DYSF: variants seen among roughly 807,000 people sequenced by gnomAD.
The protein encoded by DYSF is dysferlin.
In DYSF, 212 loss-of-function variants were observed where a neutral mutation model predicts 274.9. The ratio of observed to expected loss-of-function variants is 0.77; its 90% CI spans 0.69 to 0.86. The LOEUF (loss-of-function observed/expected upper bound fraction) is 0.86. Ranked by LOEUF, DYSF falls within the 40% of genes least tolerant of loss-of-function variation. The pLI, the probability that DYSF is intolerant of heterozygous loss-of-function variation, is 0.00. For synonymous variants in DYSF, 1,091 were observed against 1,078.7 expected (o/e 1.01, Z -0.22); for missense variants, 2,666 against 2,783.2 (o/e 0.96, Z 0.95).
chr2:71,474,253 TA>T (rs2082243563), intron 1 of DYSF, among the ~76,000 whole-genome samples: 1 of 152,216 alleles, frequency 6.6e-6, no homozygotes, highest in South Asian at 2.1e-4. Context: ...GTACCTCATA[TA>T]AATGGAATCA....
In DYSF at chr2:71,682,541, C is replaced by A. The variant is rs1280220168; in HGVS notation, c.6185C>A (p.Thr2062Asn). ...GATCTCGCTTCCAGGCGCCCCGACA[C>A]CTCCTTCCTGTGGTTTACCTCCCCA... Reference protein sequence around the residue: ...PKLEDPRRPDTSFLWFTSPYK... With the variant: ...PKLEDPRRPDNSFLWFTSPYK... The change falls in exon 55 of 56, where the codon ACC becomes AAC. Residue 2062 changes from threonine to asparagine, a missense_variant. Thr to Asn is a moderately conservative substitution (Grantham distance 65, BLOSUM62 0). Coordinates refer to ENST00000410020, the MANE Select transcript of DYSF (RefSeq NM_001130987.2). The A allele has an allele frequency of 6.2e-7, 1 of 1,614,118 alleles. No homozygotes were observed. The highest frequency in any genetic ancestry group is 1.1e-5 in the South Asian group (1 of 91,074).
At position 71,600,848 on chromosome 2, in the gene DYSF, G is replaced by A; in HGVS notation, c.3897+6G>A. 2.5e-6 allele frequency: 4 copies of A among 1,609,254 alleles called. No homozygotes were observed. The highest frequency in any genetic ancestry group is 1.7e-4 in the Middle Eastern group (1 of 6,058). On this transcript the variant is annotated splice_donor_region_variant and intron_variant, in intron 34 of 55. Transcript: ENST00000410020. ...AGCTCATCCAGAGAGAGAAGGTGAG[G>A]CTGGTCTATATCCAGATCCAGGAGG...
At chr2:71,524,734 C>T (rs1353894830) in intron 12 of DYSF, among the ~76,000 whole-genome samples, 1 of 152,234 alleles carries the variant, frequency 6.6e-6, no homozygotes, top group Non-Finnish European at 1.5e-5. Flanking sequence ...GTGCAAGGGC[C>T]TCTGCATGAG....
intron 30 of DYSF, among the ~76,000 whole-genome samples, chr2:71,580,678 T>G (rs2092863326): frequency 6.6e-6 from 1 of 152,186 alleles, no homozygotes; most frequent in East Asian, 1.9e-4. Flanking sequence ...ATATTCACGT[T>G]GAGCACCTGT....
upstream of DYSF, among the ~76,000 whole-genome samples, chr2:71,464,810 G>T (rs4547553): frequency 6.6e-6 from 1 of 152,172 alleles, no homozygotes; most frequent in Non-Finnish European, 1.5e-5. Context: ...AGCAGGAGAC[G>T]CATTGGGAGT....
intron 17 of DYSF, among the ~76,000 whole-genome samples, chr2:71,540,713 T>C (rs1310997317): frequency 6.6e-6 from 1 of 151,396 alleles, no homozygotes; most frequent in African/African-American, 2.4e-5. Context: ...CATTCTATTA[T>C]AAATGTCTTA....
chr2:71,612,493 C>T (rs761256358), intron 38 of DYSF, 148 bp from the exon 39 acceptor site: 67 of 1,236,122 alleles, frequency 5.4e-5, no homozygotes, highest in Non-Finnish European at 6.7e-5. Context: ...TGGCTTCGCT[C>T]GACTGCCCAG....
intron 55 of DYSF, among the ~76,000 whole-genome samples, chr2:71,685,149 C>T (rs529581768): frequency 6.6e-6 from 1 of 152,328 alleles, no homozygotes; most frequent in South Asian, 2.1e-4. Flanking sequence ...TTTCCAGTCA[C>T]TTCCAGCCTG....
At position 71,514,398 on chromosome 2, in the gene DYSF, CT is replaced by C. The variant is rs200723586; in HGVS notation, c.759+485del. On this transcript the variant is annotated intron_variant, in intron 7 of 55. Transcript: ENST00000410020. The stretch of plus-strand genomic sequence containing the variant: ...ACCTCAAAGAAGCTCTGTCTAACAT[CT>C]TTTTTTTCTCCTTATATCTATCCCC... Among the ~76,000 whole-genome samples, 772 of 152,060 alleles carry C rather than the reference CT, an allele frequency of 5.1e-3. 5 individuals are homozygous for C. Among genetic ancestry groups the C allele is most frequent in the African/African-American group, 0.018 (733 of 41,500 alleles).
In DYSF at chr2:71,538,465, C is replaced by T. The variant is rs779495863; in HGVS notation, c.1494-692C>T. Among the ~76,000 whole-genome samples the T allele has an allele frequency of 2.0e-4, 30 of 152,160 alleles. 1 individual carries two copies. The highest frequency in any genetic ancestry group is 4.6e-4 in the Admixed American group (7 of 15,284). On this transcript the variant is annotated intron_variant, in intron 16 of 55. Transcript: ENST00000410020. ...AGGAGCAATGTTCCAGGAGTCAGGA[C>T]GCCAGGGCTTCCGGCCTGGGCTTGC...
At chr2:71,635,486 G>A (rs1410995155) in intron 41 of DYSF, among the ~76,000 whole-genome samples, 2 of 152,146 alleles carry the variant, frequency 1.3e-5, no homozygotes, top group African/African-American at 2.4e-5. Context: ...GGTGGCTCAC[G>A]CCTGCAATCC....
At chr2:71,618,420 TGTGGTAGAGGTGGG>T in intron 40 of DYSF, among the ~76,000 whole-genome samples, 1 of 130,550 alleles carries the variant, frequency 7.7e-6, no homozygotes, top group African/African-American at 3.0e-5. Flanking sequence ...GTGGTGTGTG[TGTGGTAGAGGTGGG>T]GTGTGTGTGG....
At chr2:71,564,304 C>A (rs1301257599) in intron 24 of DYSF, 91 bp downstream of exon 24, 9 of 1,545,828 alleles carry the variant, frequency 5.8e-6, no homozygotes, top group Non-Finnish European at 7.1e-6. Context: ...TGTTCTTGAC[C>A]TATCTTAGTT....
chr2:71,468,179 C>T lies in DYSF; in HGVS notation c.91+1246C>T, dbSNP rs182863678. Among the ~76,000 whole-genome samples, 18 of 152,346 alleles carry T rather than the reference C, an allele frequency of 1.2e-4. No individual in the cohort carries two copies. The East Asian group carries it at 3.3e-3, about 28-fold the overall frequency. On this transcript the variant is annotated intron_variant, in intron 1 of 55. Coordinates refer to ENST00000410020, the MANE Select transcript of DYSF (RefSeq NM_001130987.2). ...TTCCTTCTCCAGTGTCCACCTGATG[C>T]TGCCTAAGGCTTTGCTATGCAGAAA...
chr2:71,664,102 C>T (rs538903440), intron 45 of DYSF, among the ~76,000 whole-genome samples, 166 bp from the exon 46 acceptor site: 2 of 152,332 alleles, frequency 1.3e-5, no homozygotes, highest in East Asian at 1.9e-4. Context: ...CCCCTACACA[C>T]ACACTCAGGC....
At chr2:71,658,837 A>G in intron 43 of DYSF, 41 bp from the exon 44 acceptor site, 1 of 1,613,496 alleles carries the variant, frequency 6.2e-7, no homozygotes, top group Non-Finnish European at 8.5e-7. Context: ...CCATATCAAC[A>G]ATGATGATAA....
intron 4 of DYSF, among the ~76,000 whole-genome samples, chr2:71,506,281 G>A (rs553546306): frequency 3.0e-4 from 46 of 152,296 alleles, no homozygotes; most frequent in Middle Eastern, 3.4e-3. Flanking sequence ...AGCCAGGGAG[G>A]GTCTGAGGAG....
intron 52 of DYSF, among the ~76,000 whole-genome samples, chr2:71,675,462 G>A (rs549912155): frequency 2.0e-4 from 30 of 152,300 alleles, no homozygotes; most frequent in East Asian, 5.8e-4. Context: ...AAGGTGAGTC[G>A]TTCTTAGCTG....
At chr2:71,512,051 G>C (rs565722839) in intron 5 of DYSF, 130 bp downstream of exon 5, 1 of 705,280 alleles carries the variant, frequency 1.4e-6, no homozygotes, top group Middle Eastern at 3.7e-4. Context: ...GGCTGCCCAG[G>C]CCTGGAAAGA....
Sources: gnomAD v4.1 joint callset for allele counts (sites outside exome capture counted in the v4.1 genomes callset) on GRCh38, gnomAD v4.1.1 for gene constraint, MANE v1.5 for transcripts, NCBI Gene and HGNC (gene_info 2026-07-23, HGNC 2026-07-21) for gene names.